Variants in LTBP1 observed in about 807,000 individuals in gnomAD.
LTBP1 encodes latent-transforming growth factor beta-binding protein 1.
Under a neutral mutation model 207.6 loss-of-function variants are expected in LTBP1, and 129 were observed. The observed-to-expected ratio is 0.62, with a 90% CI of 0.54 to 0.72. LTBP1 has a LOEUF of 0.72. Ranked by LOEUF, LTBP1 falls within the 30% of genes least tolerant of loss-of-function variation. The probability of loss-of-function intolerance (pLI) is 0.00; values close to 1 mark genes in which losing one functional copy is unlikely to be tolerated. For synonymous variants in LTBP1, 963 were observed against 833.7 expected, an observed-to-expected ratio of 1.16 and a Z score of -2.67; for missense variants, 2,281 against 2,217.2, an observed-to-expected ratio of 1.03 and a Z score of -0.58.
chr2:33,165,586 C>T lies in LTBP1; in HGVS notation c.1202-21270C>T, dbSNP rs1050163018. Among the ~76,000 whole-genome samples, 58 of 152,202 alleles carry T rather than the reference C, an allele frequency of 3.8e-4. 1 individual carries two copies. The highest frequency in any genetic ancestry group is 2.2e-4 in the Non-Finnish European group (15 of 68,026). ...TTAGCTTTGCGGTGCAGACCTACAA[C>T]GGAACTGAGATCTCTTGTCTCCCAG... On this transcript the variant is annotated intron_variant, in intron 5 of 33. Transcript: ENST00000404816.
intron 3 of LTBP1, among the ~76,000 whole-genome samples, chr2:33,052,999 C>T (rs974798115): frequency 2.6e-5 from 4 of 151,990 alleles, no homozygotes; most frequent in African/African-American, 7.3e-5. Context: ...GTCAGCCTCC[C>T]GAGTAGGATT....
intron 24 of LTBP1, among the ~76,000 whole-genome samples, chr2:33,333,204 G>C (rs1313545584): frequency 6.6e-6 from 1 of 151,736 alleles, no homozygotes; most frequent in African/African-American, 2.4e-5. Flanking sequence ...TTTTTAAAAA[G>C]CAGTGCAAAA....
intron 24 of LTBP1, among the ~76,000 whole-genome samples, chr2:33,340,852 A>G (rs1322997950): frequency 1.3e-5 from 2 of 152,194 alleles, no homozygotes; most frequent in Non-Finnish European, 1.5e-5. Context: ...TATTGATACT[A>G]TTATTTCCAT....
chr2:33,263,958 GAA>G (rs796992102), intron 15 of LTBP1, among the ~76,000 whole-genome samples: 4 of 69,736 alleles, frequency 5.7e-5, no homozygotes, highest in Admixed American at 1.7e-4. Flanking sequence ...TCTAAAAAAA[GAA>G]AAAAAAAAAA....
chr2:32,984,478 G>A lies in LTBP1; in HGVS notation c.565+35533G>A, dbSNP rs375010410. On this transcript the variant is annotated intron_variant, in intron 2 of 33. Coordinates refer to ENST00000404816, the MANE Select transcript of LTBP1 (RefSeq NM_206943.4). ...ATGTTTTAACTCAGCTGCACCTGTA[G>A]CAGCAGCTTGACCTGGACCTGTGGG... Among the ~76,000 whole-genome samples, 9 of 152,330 alleles carry A rather than the reference G, an allele frequency of 5.9e-5. No homozygotes were observed. In the South Asian group the frequency reaches 1.9e-3, roughly 32 times the overall value.
chr2:33,040,975 TG>T (rs1473970922), intron 3 of LTBP1, among the ~76,000 whole-genome samples: 1 of 152,238 alleles, frequency 6.6e-6, no homozygotes, highest in Non-Finnish European at 1.5e-5. Context: ...ACCAGCTGAC[TG>T]TCAGACTGCC....
At chr2:32,980,718 T>C (rs992484787) in intron 2 of LTBP1, among the ~76,000 whole-genome samples, 4 of 152,232 alleles carry the variant, frequency 2.6e-5, no homozygotes, top group Non-Finnish European at 4.4e-5. Flanking sequence ...AATGTCCTTT[T>C]CTTTCAGATT....
intron 22 of LTBP1, among the ~76,000 whole-genome samples, chr2:33,302,786 G>T (rs1165249008): frequency 6.6e-6 from 1 of 152,128 alleles, no homozygotes. Context: ...ATTGAGGCCA[G>T]ATGTGGTGGC....
intron 19 of LTBP1, 59 bp from the exon 20 acceptor site, chr2:33,293,101 T>G: frequency 6.4e-7 from 1 of 1,559,184 alleles, no homozygotes; most frequent in South Asian, 1.2e-5. Context: ...AAATTTAACT[T>G]TATCCATGTT....
intron 4 of LTBP1, among the ~76,000 whole-genome samples, chr2:33,133,947 G>C (rs1337657843): frequency 6.6e-6 from 1 of 152,068 alleles, no homozygotes; most frequent in Non-Finnish European, 1.5e-5. Context: ...ACATAGCCTC[G>C]GCTGTGTGGT....
chr2:32,993,969 AGTGTGT>A (rs70938383), intron 2 of LTBP1, among the ~76,000 whole-genome samples: 8,305 of 138,444 alleles, frequency 0.06, 320 homozygotes, highest in South Asian at 0.16. Context: ...CAGTTAGGGG[AGTGTGT>A]GTGTGTGTGT....
intron 3 of LTBP1, among the ~76,000 whole-genome samples, chr2:33,107,356 T>A (rs532119260): frequency 6.6e-6 from 1 of 152,188 alleles, no homozygotes; most frequent in Non-Finnish European, 1.5e-5. Flanking sequence ...ACAGTCAGGG[T>A]TTCTCGGTGC....
chr2:33,278,716 AT>A (rs1012324651), intron 18 of LTBP1, among the ~76,000 whole-genome samples: 2 of 152,054 alleles, frequency 1.3e-5, no homozygotes, highest in African/African-American at 4.8e-5. Flanking sequence ...TTGTAGTTCT[AT>A]TTTTTTGAAA....
intron 31 of LTBP1, among the ~76,000 whole-genome samples, chr2:33,376,004 T>A (rs533287552): frequency 6.6e-6 from 1 of 152,300 alleles, no homozygotes; most frequent in Non-Finnish European, 1.5e-5. Flanking sequence ...TGTTTATATG[T>A]CTCAAAGAAC....
At chr2:33,081,870 A>C (rs2078429154) in intron 3 of LTBP1, among the ~76,000 whole-genome samples, 1 of 152,114 alleles carries the variant, frequency 6.6e-6, no homozygotes, top group Non-Finnish European at 1.5e-5. Flanking sequence ...TGTGCTCGGT[A>C]CTTCTCTTCC....
intron 33 of LTBP1, among the ~76,000 whole-genome samples, chr2:33,397,656 C>G (rs35639023): frequency 6.7e-6 from 1 of 148,620 alleles, no homozygotes; most frequent in African/African-American, 2.5e-5. Context: ...TACAGGCACC[C>G]GCCACCACAC....
intron 5 of LTBP1, among the ~76,000 whole-genome samples, chr2:33,179,651 C>G (rs923638995): frequency 7.2e-6 from 1 of 138,194 alleles, no homozygotes; most frequent in African/African-American, 3.5e-5. Flanking sequence ...TAAGTTAAAA[C>G]TTTTAGAAAT....
chr2:33,126,658 A>C (rs1428065553), intron 4 of LTBP1, among the ~76,000 whole-genome samples: 2 of 152,216 alleles, frequency 1.3e-5, no homozygotes, highest in Non-Finnish European at 2.9e-5. Context: ...TTATCACATA[A>C]TATTGGAGCA....
intron 24 of LTBP1, among the ~76,000 whole-genome samples, chr2:33,325,740 G>A (rs1156484596): frequency 6.6e-6 from 1 of 152,126 alleles, no homozygotes; most frequent in Non-Finnish European, 1.5e-5. Flanking sequence ...CTAAAGAACT[G>A]TTTCTGAACA....
Sources: gnomAD v4.1 joint callset for allele counts (sites outside exome capture counted in the v4.1 genomes callset) on GRCh38, gnomAD v4.1.1 for gene constraint, MANE v1.5 for transcripts, NCBI Gene and HGNC (gene_info 2026-07-23, HGNC 2026-07-21) for gene names.